HIPK2: variants seen among roughly 807,000 people sequenced by gnomAD.
HIPK2 encodes homeodomain-interacting protein kinase 2.
In HIPK2, 27 loss-of-function variants were observed where a neutral mutation model predicts 113.7. The observed-to-expected ratio is 0.24, with a 90% CI of 0.17 to 0.33. The LOEUF is 0.33. Among genes scored for constraint, HIPK2 ranks in the 10% least tolerant of loss-of-function variants. HIPK2 has a pLI of 1.00. For synonymous variants in HIPK2, 631 were observed against 642.2 expected (o/e 0.98, Z 0.26); for missense variants, 1,257 against 1,588.0 (o/e 0.79, Z 3.54).
intron 2 of HIPK2, among the ~76,000 whole-genome samples, chr7:139,688,025 A>G (rs1794279597): frequency 6.6e-6 from 1 of 152,226 alleles, no homozygotes; most frequent in Non-Finnish European, 1.5e-5. Flanking sequence ...GTTCTCAAGC[A>G]GCATGGATTC....
At chr7:139,743,284 T>A (rs1796136324) in intron 1 of HIPK2, among the ~76,000 whole-genome samples, 2 of 152,164 alleles carry the variant, frequency 1.3e-5, no homozygotes, top group Non-Finnish European at 2.9e-5. Flanking sequence ...ACAGATCACA[T>A]CTTGGGGGCA....
At chr7:139,577,179 A>C (rs1798520695) in intron 13 of HIPK2, among the ~76,000 whole-genome samples, 2 of 103,116 alleles carry the variant, frequency 1.9e-5, no homozygotes, top group Non-Finnish European at 3.6e-5. Flanking sequence ...ATGGAGTTTC[A>C]CTCTTGTTGC....
intron 1 of HIPK2, among the ~76,000 whole-genome samples, chr7:139,753,865 G>C (rs1197077325): frequency 6.6e-6 from 1 of 152,266 alleles, no homozygotes; most frequent in African/African-American, 2.4e-5. Flanking sequence ...GAAGGCGCCA[G>C]TGGAGAAGGC....
chr7:139,771,019 G>A (rs555041627), intron 1 of HIPK2, among the ~76,000 whole-genome samples: 54 of 152,254 alleles, frequency 3.5e-4, no homozygotes, highest in African/African-American at 1.3e-3. Flanking sequence ...CAGTGATGTC[G>A]TTCATTACAT....
intron 13 of HIPK2, among the ~76,000 whole-genome samples, chr7:139,580,619 G>C (rs17161012): frequency 6.6e-6 from 1 of 152,184 alleles, no homozygotes; most frequent in Non-Finnish European, 1.5e-5. Context: ...TCTACACTAG[G>C]TGAGTTGGCA....
intron 9 of HIPK2, among the ~76,000 whole-genome samples, chr7:139,605,972 T>C (rs895944061): frequency 3.3e-5 from 5 of 152,256 alleles, no homozygotes; most frequent in African/African-American, 1.2e-4. Context: ...TCAGAGCTCA[T>C]GAAAAGCATT....
At position 139,580,780 on chromosome 7, in the gene HIPK2, G is replaced by A. The variant is rs73485531; in HGVS notation, c.2965+3037C>T. 2.2e-3 allele frequency among the ~76,000 whole-genome samples: 332 copies of A among 152,334 alleles called. 1 individual carries two copies. Among genetic ancestry groups the A allele is most frequent in the African/African-American group, 7.5e-3 (313 of 41,578 alleles). On this transcript the variant is annotated intron_variant, in intron 13 of 14. Coordinates refer to ENST00000406875, the MANE Select transcript of HIPK2 (RefSeq NM_022740.5). ...GCAGCTCCATGTAGGGCTGTGATGAGGATTAAATGAGTTAACAAGTGTAGA... is the reference window on the plus strand; with the variant it reads ...GCAGCTCCATGTAGGGCTGTGATGAAGATTAAATGAGTTAACAAGTGTAGA...
chr7:139,765,789 C>A (rs747197820), intron 1 of HIPK2, among the ~76,000 whole-genome samples: 6 of 152,270 alleles, frequency 3.9e-5, no homozygotes, highest in Non-Finnish European at 8.8e-5. Flanking sequence ...GACTATGGAA[C>A]CTGAAATCTG....
intron 12 of HIPK2, among the ~76,000 whole-genome samples, chr7:139,592,167 T>C (rs1221918431): frequency 6.6e-6 from 1 of 152,238 alleles, no homozygotes; most frequent in Non-Finnish European, 1.5e-5. Context: ...AAGAGTGAGC[T>C]AAGTAACTGT....
chr7:139,599,770 G>A (rs953455033), intron 11 of HIPK2, among the ~76,000 whole-genome samples: 1 of 152,158 alleles, frequency 6.6e-6, no homozygotes, highest in Non-Finnish European at 1.5e-5. Flanking sequence ...AACTTCAGGT[G>A]AAGCTGAGTG....
At chr7:139,761,698 C>T (rs1054313539) in intron 1 of HIPK2, among the ~76,000 whole-genome samples, 8 of 152,070 alleles carry the variant, frequency 5.3e-5, no homozygotes, top group East Asian at 1.9e-4. Context: ...GCACGATACT[C>T]GATTAGATGG....
intron 1 of HIPK2, among the ~76,000 whole-genome samples, chr7:139,718,987 A>C (rs2116964568): frequency 6.6e-6 from 1 of 152,230 alleles, no homozygotes; most frequent in Middle Eastern, 3.4e-3. Context: ...GCCTTGTTTC[A>C]GCCCGTTCTT....
At position 139,630,830 on chromosome 7, in the gene HIPK2, T is replaced by C. The variant is rs963862389; in HGVS notation, c.1347+335A>G. ...GGCCCTTACTACAGTGGGCGGGAGC[T>C]TGTGGCACATGGTCCTGTCTCCCTC... On this transcript the variant is annotated intron_variant, in intron 4 of 14. Coordinates refer to ENST00000406875, the MANE Select transcript of HIPK2 (RefSeq NM_022740.5). This position sits in a 1 kb window ranked among gnomAD's most constrained non-coding sequence, Gnocchi z 4.0. 1.9e-4 allele frequency among the ~76,000 whole-genome samples: 29 copies of C among 152,338 alleles called. No individual in the cohort carries two copies. The highest frequency in any genetic ancestry group is 3.7e-4 in the Non-Finnish European group (25 of 68,024).
Position 139,717,021 on chromosome 7 carries a change from A to G in HIPK2, c.20-6T>C. On this transcript the variant is annotated splice_polypyrimidine_tract_variant and splice_region_variant and intron_variant, in intron 1 of 14. Coordinates refer to ENST00000406875, the MANE Select transcript of HIPK2 (RefSeq NM_022740.5). The stretch of plus-strand genomic sequence containing the variant: ...TTGCACATGTGAGGCCATACCTACA[A>G]GGAAAGGAAAACGAAAAGTAAGTAT... The G allele has an allele frequency of 6.2e-7, 1 of 1,601,584 alleles. No individual in the cohort carries two copies. Among genetic ancestry groups the G allele is most frequent in the Non-Finnish European group, 8.5e-7 (1 of 1,170,842 alleles).
intron 7 of HIPK2, among the ~76,000 whole-genome samples, chr7:139,619,671 C>A (rs1215199041): frequency 6.6e-6 from 1 of 152,142 alleles, no homozygotes. Flanking sequence ...CATGTGGGGA[C>A]GAGGGGAAGG....
At chr7:139,655,551 G>C (rs1801637506) in intron 2 of HIPK2, among the ~76,000 whole-genome samples, 1 of 152,132 alleles carries the variant, frequency 6.6e-6, no homozygotes, top group Non-Finnish European at 1.5e-5. Context: ...TTCTGAACAT[G>C]CTCACTTCCT....
chr7:139,576,838 G>A lies in HIPK2; in HGVS notation c.2966-1550C>T, dbSNP rs79910031. Among the ~76,000 whole-genome samples, 508 of 152,350 alleles carry A rather than the reference G, an allele frequency of 3.3e-3. 4 individuals carry two copies. Among genetic ancestry groups the A allele is most frequent in the African/African-American group, 0.012 (480 of 41,570 alleles). On this transcript the variant is annotated intron_variant, in intron 13 of 14. Coordinates refer to ENST00000406875, the MANE Select transcript of HIPK2 (RefSeq NM_022740.5). ...AGCAGGGGCAAGAGCCCCAGAGGGC[G>A]GGAGCTCTGCTGCCGAGTGGGGGCC...
At chr7:139,749,401 T>C (rs1448844916) in intron 1 of HIPK2, among the ~76,000 whole-genome samples, 1 of 152,212 alleles carries the variant, frequency 6.6e-6, no homozygotes, top group Admixed American at 6.5e-5. Context: ...CAATAAGCTT[T>C]AGTGCTAGAA....
intron 2 of HIPK2, among the ~76,000 whole-genome samples, chr7:139,671,921 T>C (rs1205063657): frequency 6.6e-6 from 1 of 152,246 alleles, no homozygotes; most frequent in East Asian, 1.9e-4. Context: ...AAGCCTTGAA[T>C]GTGATAGTTC....
Sources: allele counts gnomAD v4.1 joint callset (sites outside exome capture counted in the v4.1 genomes callset), GRCh38; gene constraint gnomAD v4.1.1; non-coding constraint Gnocchi (gnomAD v3.1); transcripts MANE v1.5; gene names NCBI Gene and HGNC (gene_info 2026-07-23, HGNC 2026-07-21).